The following RRBP1 variants were observed in gnomAD, a reference collection of about 807,000 sequenced individuals.
RRBP1 encodes the protein ribosome-binding protein 1.
A neutral mutation model predicts 165.2 loss-of-function variants in RRBP1; 94 were observed. The ratio of observed to expected loss-of-function variants is 0.57; its 90% CI spans 0.48 to 0.68. The LOEUF (loss-of-function observed/expected upper bound fraction) is 0.68. RRBP1 is among the 30% of genes least tolerant of loss of function. RRBP1 has a pLI of 0.00. For synonymous variants in RRBP1, 680 were observed against 714.5 expected (o/e 0.95, Z 0.77); for missense variants, 1,676 against 1,763.0 (o/e 0.95, Z 0.88).
Position 17,660,486 on chromosome 20 carries a change from T to C in RRBP1, c.22A>G (p.Thr8Ala). MDIYDTQ[T>A]LGVVVFGGFM... ...CCTCCAAAGACCACAACCCCCAAGG[T>C]TTGAGTGTCGTAAATATCCATCCTG... Residue 8 changes from threonine (T) to alanine (A), a missense_variant, in exon 3 of 25, where the codon ACC (threonine) becomes GCC (alanine). Physicochemically the swap from Thr to Ala is moderately conservative, Grantham distance 58. Transcript: ENST00000377813. 1 of 1,613,622 alleles carries C rather than the reference T, an allele frequency of 6.2e-7. No homozygotes were observed. The highest frequency in any genetic ancestry group is 1.1e-5 in the South Asian group (1 of 91,042).
intron 9 of RRBP1, among the ~76,000 whole-genome samples, chr20:17,628,809 G>A (rs1308728325): frequency 6.6e-6 from 1 of 152,228 alleles, no homozygotes; most frequent in East Asian, 1.9e-4. Context: ...CAGGGGCCGG[G>A]AAGCTGGGGC....
intron 2 of RRBP1, among the ~76,000 whole-genome samples, chr20:17,679,187 G>A (rs2037134712): frequency 6.6e-6 from 1 of 152,170 alleles, no homozygotes; most frequent in Non-Finnish European, 1.5e-5. Context: ...GTTATTTTAA[G>A]GCCTAAATGT....
chr20:17,681,493 G>A (rs1363413706), intron 1 of RRBP1, among the ~76,000 whole-genome samples: 2 of 149,064 alleles, frequency 1.3e-5, no homozygotes, highest in Non-Finnish European at 3.0e-5. Flanking sequence ...CGGCCCGTGG[G>A]CCCCCATTCA....
intron 18 of RRBP1, among the ~76,000 whole-genome samples, chr20:17,620,008 G>C (rs1254340463): frequency 6.6e-6 from 1 of 152,206 alleles, no homozygotes; most frequent in Non-Finnish European, 1.5e-5. Flanking sequence ...TGTGGCGTCT[G>C]AAGGGGGCAG....
intron 2 of RRBP1, among the ~76,000 whole-genome samples, chr20:17,674,854 C>T (rs2037046526): frequency 6.6e-6 from 1 of 152,224 alleles, no homozygotes; most frequent in South Asian, 2.1e-4. Context: ...ACTGTTCACA[C>T]CCAAAACAAA....
intron 2 of RRBP1, among the ~76,000 whole-genome samples, chr20:17,674,546 G>A (rs933090215): frequency 6.6e-6 from 1 of 152,048 alleles, no homozygotes; most frequent in Admixed American, 6.6e-5. Context: ...GGTGGATCAC[G>A]AGGTCAGGAG....
At chr20:17,621,415 C>A in intron 16 of RRBP1, 43 bp downstream of exon 16, 1 of 1,497,686 alleles carries the variant, frequency 6.7e-7, no homozygotes, top group Non-Finnish European at 9.2e-7. Flanking sequence ...TCCTTCCCTG[C>A]AGCCTCCCAG....
In RRBP1 at chr20:17,645,391, C is replaced by A. The variant is rs543159383; in HGVS notation, c.1913-2264G>T. Among the ~76,000 whole-genome samples, 174 of 152,324 alleles carry A rather than the reference C, an allele frequency of 1.1e-3. 3 individuals carry two copies. Among genetic ancestry groups the A allele is most frequent in the Admixed American group, 8.6e-3 (132 of 15,300 alleles). ...AACAGAAAAATAAAAACTTGCAACACGCGAAACAAACGCAAAGCTGCGTAC... is the reference window on the plus strand; with the variant it reads ...AACAGAAAAATAAAAACTTGCAACAAGCGAAACAAACGCAAAGCTGCGTAC... On this transcript the variant is annotated intron_variant, in intron 3 of 24. Transcript: ENST00000377813.
intron 3 of RRBP1, among the ~76,000 whole-genome samples, chr20:17,651,670 G>A (rs576241196): frequency 1.3e-5 from 2 of 152,210 alleles, no homozygotes; most frequent in Non-Finnish European, 2.9e-5. Flanking sequence ...CCCCCGGGAA[G>A]CGGATGGTGA....
In RRBP1 at chr20:17,616,020, A is replaced by G; in HGVS notation, c.3868-11T>C. Reference sequence around the variant, plus strand: ...CAGCTGCGTCTTCAGCTGTGCAAACACCGCAAACATAACCCGGCAGCCCGG... The same window carrying G: ...CAGCTGCGTCTTCAGCTGTGCAAACGCCGCAAACATAACCCGGCAGCCCGG... On this transcript the variant is annotated splice_polypyrimidine_tract_variant and intron_variant, in intron 21 of 24. Coordinates refer to ENST00000377813, the MANE Select transcript of RRBP1 (RefSeq NM_001365613.2). The G allele has an allele frequency of 6.2e-7, 1 of 1,602,578 alleles. No individual in the cohort carries two copies. The highest frequency in any genetic ancestry group is 1.1e-5 in the South Asian group (1 of 90,780).
At chr20:17,626,898 C>T (rs80314992) in intron 11 of RRBP1, among the ~76,000 whole-genome samples, 2,565 of 152,318 alleles carry the variant, frequency 0.017, 74 homozygotes, top group African/African-American at 0.059. Flanking sequence ...GAGACGCTGC[C>T]AGCTCTGCCC....
At chr20:17,616,668 G>A (rs1235900621) in intron 21 of RRBP1, 64 bp downstream of exon 21, 12 of 1,121,286 alleles carry the variant, frequency 1.1e-5, no homozygotes, top group East Asian at 2.4e-5. Context: ...TCCGAACGGA[G>A]GCAGCAGGGC....
chr20:17,665,464 C>T lies in RRBP1; in HGVS notation c.-21-4936G>A, dbSNP rs374771993. Among the ~76,000 whole-genome samples, 33 of 152,302 alleles carry T rather than the reference C, an allele frequency of 2.2e-4. 1 individual carries two copies. Among genetic ancestry groups the T allele is most frequent in the African/African-American group, 7.9e-4 (33 of 41,560 alleles). ...CTGGCTCACTGCAACCTCTGCCTCT[C>T]AGGTTCAAGCCATTCTTGTGCCTCA... On this transcript the variant is annotated intron_variant, in intron 2 of 24. Transcript: ENST00000377813.
chr20:17,629,640 C>G (rs550346504), intron 9 of RRBP1, among the ~76,000 whole-genome samples, 183 bp downstream of exon 9: 1 of 152,126 alleles, frequency 6.6e-6, no homozygotes, highest in Non-Finnish European at 1.5e-5. Context: ...CTGCGCCCCC[C>G]GCCAGCCCCT....
At chr20:17,639,784 T>C (rs2036315365) in intron 5 of RRBP1, among the ~76,000 whole-genome samples, 1 of 151,432 alleles carries the variant, frequency 6.6e-6, no homozygotes, top group Admixed American at 6.6e-5. Context: ...TTCCAGCTAC[T>C]TGGGAGGCTG....
chr20:17,614,378 G>T (rs1239199529), intron 24 of RRBP1, among the ~76,000 whole-genome samples, 158 bp from the exon 25 acceptor site: 1 of 152,280 alleles, frequency 6.6e-6, no homozygotes. Context: ...GGGGCTGGGG[G>T]ACAGGGAGGA....
chr20:17,614,640 T>C, intron 24 of RRBP1, 97 bp downstream of exon 24: 1 of 1,498,426 alleles, frequency 6.7e-7, no homozygotes, highest in South Asian at 1.2e-5. Flanking sequence ...TCCCAGCAGC[T>C]TGACGACTCC....
At chr20:17,617,331 C>CA (rs1462557977) in intron 20 of RRBP1, among the ~76,000 whole-genome samples, 2 of 152,240 alleles carry the variant, frequency 1.3e-5, no homozygotes, top group Non-Finnish European at 2.9e-5. Context: ...GCACCCAAAC[C>CA]ACTGGGCCTG....
At chr20:17,647,746 C>T (rs1323536480) in intron 3 of RRBP1, among the ~76,000 whole-genome samples, 1 of 152,198 alleles carries the variant, frequency 6.6e-6, no homozygotes, top group East Asian at 1.9e-4. Flanking sequence ...CAAAAACTCT[C>T]ATTTCCTAAG....
Sources: gnomAD v4.1 joint callset for allele counts (sites outside exome capture counted in the v4.1 genomes callset) on GRCh38, gnomAD v4.1.1 for gene constraint, MANE v1.5 for transcripts, NCBI Gene and HGNC (gene_info 2026-07-23, HGNC 2026-07-21) for gene names.